The following ACIN1 variants were observed in gnomAD, a reference collection of about 807,000 sequenced individuals.
ACIN1 encodes the protein apoptotic chromatin condensation inducer 1.
A neutral mutation model predicts 146.6 loss-of-function variants in ACIN1; 16 were observed. The ratio of observed to expected loss-of-function variants is 0.11; its 90% CI spans 0.07 to 0.17. ACIN1 has a LOEUF of 0.17. Ranked by LOEUF, ACIN1 falls within the 10% of genes least tolerant of loss-of-function variation. The pLI, the probability that ACIN1 is intolerant of heterozygous loss-of-function variation, is 1.00. For synonymous variants in ACIN1, 569 were observed against 582.7 expected, an observed-to-expected ratio of 0.98 and a Z score of 0.34; for missense variants, 1,357 against 1,609.3, an observed-to-expected ratio of 0.84 and a Z score of 2.68.
intron 3 of ACIN1, 121 bp downstream of exon 3, chr14:23,090,401 C>G: frequency 1.1e-6 from 1 of 932,596 alleles, no homozygotes; most frequent in Non-Finnish European, 1.6e-6. Context: ...GCTATGAAAG[C>G]AAGTAAGTAG....
At chr14:23,087,725 C>A (rs1158468746) in intron 4 of ACIN1, among the ~76,000 whole-genome samples, 5 of 151,998 alleles carry the variant, frequency 3.3e-5, no homozygotes, top group African/African-American at 1.2e-4. Flanking sequence ...AACCCTCATA[C>A]TTACTGGCCT....
At chr14:23,073,820 A>C (rs1360741877) in intron 8 of ACIN1, among the ~76,000 whole-genome samples, 1 of 151,030 alleles carries the variant, frequency 6.6e-6, no homozygotes, top group African/African-American at 2.4e-5. Context: ...ATTTTGAGAA[A>C]TTTTGTTATT....
At chr14:23,082,997 C>A (rs745505080) in intron 4 of ACIN1, among the ~76,000 whole-genome samples, 1 of 151,884 alleles carries the variant, frequency 6.6e-6, no homozygotes, top group Non-Finnish European at 1.5e-5. Flanking sequence ...CCTTGGCCTC[C>A]CAAAGTGCTG....
At chr14:23,084,115 T>G (rs987837407) in intron 4 of ACIN1, among the ~76,000 whole-genome samples, 1 of 151,954 alleles carries the variant, frequency 6.6e-6, no homozygotes, top group Non-Finnish European at 1.5e-5. Flanking sequence ...CCTGGTTAAC[T>G]TTTGTATTTT....
chr14:23,069,514 G>A lies in ACIN1; in HGVS notation c.2227C>T (p.Arg743Cys), dbSNP rs755513527. 30 of 1,613,918 alleles carry A rather than the reference G, an allele frequency of 1.9e-5. No homozygotes were observed. In the Admixed American group the frequency reaches 3.3e-4, roughly 18 times the overall value. The change falls in exon 9 of 19, where the codon CGC (arginine) becomes TGC (cysteine). Residue 743 changes from arginine to cysteine, a missense_variant. This residue lies in a region of ACIN1 where 771 missense variants were observed against 746.6 expected (regional missense o/e 1.03). Coordinates refer to ENST00000605057, the MANE Select transcript of ACIN1 (RefSeq NM_001386863.1). ...TCATCTTCAACACTGCCCTCCGGGC[G>A]GTCATCATTGCTGACTTGGTCTGCA... is the stretch of plus-strand genomic sequence containing the variant. ...PIADQVSNDD[R>C]PEGSVEDEEK...
intron 11 of ACIN1, 26 bp downstream of exon 11, chr14:23,064,329 C>T: frequency 6.2e-7 from 1 of 1,614,098 alleles, no homozygotes; most frequent in East Asian, 2.2e-5. Context: ...GTCTCATCCT[C>T]CCTTCCCTGG....
At chr14:23,060,975 C>T in intron 18 of ACIN1, 109 bp downstream of exon 18, 1 of 1,030,524 alleles carries the variant, frequency 9.7e-7, no homozygotes, top group East Asian at 2.5e-5. Flanking sequence ...TTATCCTAAA[C>T]CTAGGAAGTA....
At chr14:23,076,862 G>A (rs906988387) in intron 8 of ACIN1, among the ~76,000 whole-genome samples, 1 of 152,160 alleles carries the variant, frequency 6.6e-6, no homozygotes, top group Non-Finnish European at 1.5e-5. Flanking sequence ...ATGTAGCTGG[G>A]GAATCCTGAA....
rs765568110 is a variant in ACIN1, at chr14:23,061,200, G to T, written c.3425-16C>A. ...TGGGCTTTCTCTGAGGTGGAAAAAA[G>T]TGAACCAGATATGATGCATCTGACC... On this transcript the variant is annotated splice_polypyrimidine_tract_variant and intron_variant, in intron 17 of 18. Coordinates refer to ENST00000605057, the MANE Select transcript of ACIN1 (RefSeq NM_001386863.1). 6.2e-7 allele frequency: 1 copy of T among 1,614,128 alleles called. No homozygotes were observed. Among genetic ancestry groups the T allele is most frequent in the African/African-American group, 1.3e-5 (1 of 75,030 alleles).
intron 8 of ACIN1, among the ~76,000 whole-genome samples, chr14:23,077,592 C>A (rs1433074487): frequency 6.6e-6 from 1 of 152,106 alleles, no homozygotes; most frequent in Non-Finnish European, 1.5e-5. Flanking sequence ...TAAGTTCAAT[C>A]AAATGGTCTT....
At position 23,080,264 on chromosome 14, in the gene ACIN1, A is replaced by G; in HGVS notation, c.1071T>C (p.Pro357=). 6.2e-7 allele frequency: 1 copy of G among 1,614,178 alleles called. No individual in the cohort carries two copies. The highest frequency in any genetic ancestry group is 8.5e-7 in the Non-Finnish European group (1 of 1,180,026). The change falls in exon 6 of 19, where the codon CCT becomes CCC. Residue 357 remains proline (P), a synonymous_variant. Coordinates refer to ENST00000605057, the MANE Select transcript of ACIN1 (RefSeq NM_001386863.1). ...ATGCTTCCTTTGTTAGTAAAGGTGGAGGAGTCTCCTCCTCGCTGGCAGTTT... is the reference window on the plus strand; with the variant it reads ...ATGCTTCCTTTGTTAGTAAAGGTGGGGGAGTCTCCTCCTCGCTGGCAGTTT... ...PEQTASEEET[P]PPLLTKEASS...
chr14:23,093,758 G>A (rs2048288865), intron 1 of ACIN1, among the ~76,000 whole-genome samples: 3 of 152,104 alleles, frequency 2.0e-5, no homozygotes, highest in South Asian at 4.1e-4. Flanking sequence ...GTTACTAAAT[G>A]TACAGATATA....
chr14:23,083,538 C>T (rs1415393825), intron 4 of ACIN1, among the ~76,000 whole-genome samples: 1 of 152,148 alleles, frequency 6.6e-6, no homozygotes, highest in Non-Finnish European at 1.5e-5. Flanking sequence ...CGAGACCATC[C>T]TGGCTAACAT....
chr14:23,062,153 C>T lies in ACIN1; in HGVS notation c.3099+15G>A, dbSNP rs1486037898. 5.0e-6 allele frequency: 8 copies of T among 1,609,460 alleles called. No individual in the cohort carries two copies. The highest frequency in any genetic ancestry group is 6.8e-6 in the Non-Finnish European group (8 of 1,175,982). ...CCCCTGCCCCTCCTCTCTTTCCTCTCCCTAGGTTTCTTACCTCATCTTGCT... is the reference window on the plus strand; with the variant it reads ...CCCCTGCCCCTCCTCTCTTTCCTCTTCCTAGGTTTCTTACCTCATCTTGCT... On this transcript the variant is annotated intron_variant, in intron 16 of 18. Transcript: ENST00000605057.
At chr14:23,069,651 G>A in intron 8 of ACIN1, 34 bp from the exon 9 acceptor site, 5 of 1,053,610 alleles carry the variant, frequency 4.7e-6, no homozygotes, top group African/African-American at 1.6e-5. Flanking sequence ...TGGGGGGGCG[G>A]GCAGAAAAGA....
chr14:23,064,747 A>C, intron 10 of ACIN1: 2 of 388,230 alleles, frequency 5.2e-6, no homozygotes, highest in Non-Finnish European at 9.5e-6. Flanking sequence ...AAATACAAAA[A>C]TTAGCCAGGC....
At position 23,090,016 on chromosome 14, in the gene ACIN1, C is replaced by G; in HGVS notation, c.402G>C (p.Glu134Asp). Residue 134 changes from glutamate (E) to aspartate (D), a missense_variant, in exon 4 of 19, where the codon GAG becomes GAC. Coordinates refer to ENST00000605057, the MANE Select transcript of ACIN1 (RefSeq NM_001386863.1). ...GTCTGCTGAGCTCCAGCTCTGGTCT[C>G]TCCAGGCTGCTCTGAAAGTCAGGAG... Reference protein sequence around the residue: ...LLPPDFQSSLERPELELSRHS... With the variant: ...LLPPDFQSSLDRPELELSRHS... 1.2e-6 allele frequency: 2 copies of G among 1,613,420 alleles called. No individual in the cohort carries two copies. The highest frequency in any genetic ancestry group is 1.1e-5 in the South Asian group (1 of 90,936).
chr14:23,071,150 T>A, intron 8 of ACIN1: 1 of 1,551,192 alleles, frequency 6.4e-7, no homozygotes, highest in Non-Finnish European at 8.7e-7. Context: ...GATAACATGA[T>A]TTTTTTTCTC....
chr14:23,071,317 G>C, intron 8 of ACIN1: 5 of 1,508,962 alleles, frequency 3.3e-6, no homozygotes, highest in Non-Finnish European at 4.4e-6. Flanking sequence ...AGAGAAAATT[G>C]AGATGTAGCA....
Sources: gnomAD v4.1 joint callset for allele counts (sites outside exome capture counted in the v4.1 genomes callset) on GRCh38, gnomAD v4.1.1 for gene constraint, gnomAD v4.1.1 regional missense constraint, MANE v1.5 for transcripts, NCBI Gene and HGNC (gene_info 2026-07-23, HGNC 2026-07-21) for gene names.